The following KRT4 variants were observed in gnomAD, a reference collection of about 807,000 sequenced individuals.
KRT4 encodes the protein keratin 4.
A neutral mutation model predicts 50.6 loss-of-function variants in KRT4; 47 were observed. That is an observed-to-expected ratio of 0.93 (90% CI 0.73 to 1.18). The LOEUF is 1.18. KRT4 is among the 50% of genes most tolerant of loss of function. The probability of loss-of-function intolerance (pLI) is 0.00; values close to 1 mark genes in which losing one functional copy is unlikely to be tolerated. For missense variants in KRT4, 651 were observed against 645.7 expected (o/e 1.01, Z -0.09); for synonymous variants, 254 against 251.2 (o/e 1.01, Z -0.10).
chr12:52,807,297 C>A, intron 8 of KRT4, 47 bp from the exon 9 acceptor site: 1 of 1,614,158 alleles, frequency 6.2e-7, no homozygotes, highest in Non-Finnish European at 8.5e-7. Flanking sequence ...GCTGCCAGCA[C>A]CCCAGGGGTC....
chr12:52,810,774 G>A lies in KRT4; in HGVS notation c.720C>T (p.Asp240=), dbSNP rs371875636. 14 of 1,614,028 alleles carry A rather than the reference G, an allele frequency of 8.7e-6. No homozygotes were observed. In the African/African-American group the frequency reaches 1.6e-4, roughly 18 times the overall value. Residue 240 remains aspartate (D), a synonymous_variant, in exon 3 of 9, where the codon GAC becomes GAT. Transcript: ENST00000551956. ...CTCTTACCTTCTTTAGGACCACAAAGTCATTCTCGGCTGCTGTGCGTTTGT... is the reference window on the plus strand; with the variant it reads ...CTCTTACCTTCTTTAGGACCACAAAATCATTCTCGGCTGCTGTGCGTTTGT... ...EINKRTAAEN[D]FVVLKKDVDA...
chr12:52,813,147 C>A (rs1194876567), intron 1 of KRT4, among the ~76,000 whole-genome samples: 1 of 152,162 alleles, frequency 6.6e-6, no homozygotes, highest in Non-Finnish European at 1.5e-5. Flanking sequence ...TTGGTGAGAC[C>A]TAGAATCTGC....
chr12:52,813,144 G>T (rs1454452418), intron 1 of KRT4, among the ~76,000 whole-genome samples: 1 of 152,192 alleles, frequency 6.6e-6, no homozygotes, highest in Admixed American at 6.5e-5. Flanking sequence ...GCCTTGGTGA[G>T]ACCTAGAATC....
chr12:52,811,825 G>T lies in KRT4; in HGVS notation c.615C>A (p.Asp205Glu). 1 of 1,614,052 alleles carries T rather than the reference G, an allele frequency of 6.2e-7. No individual in the cohort carries two copies. Among genetic ancestry groups the T allele is most frequent in the Non-Finnish European group, 8.5e-7 (1 of 1,180,028 alleles). Residue 205 changes from aspartate to glutamate, a missense_variant, in exon 2 of 9, where the codon GAC becomes GAA. Asp to Glu is a conservative substitution (Grantham distance 45). Transcript: ENST00000551956. ...TCAGCTCAGACTGCAGGCGCCCTTT[G>T]TCATTGCCCAAGGTATCTAGCTGCT... ...LRKQLDTLGN[D>E]KGRLQSELKT... is the part of the protein sequence containing the mutation.
chr12:52,814,007 C>A lies in KRT4; in HGVS notation c.52G>T (p.Gly18Cys). The change falls in exon 1 of 9, where the codon GGC becomes TGC. Residue 18 changes from glycine (G) to cysteine (C), a missense_variant. Gly to Cys is a radical substitution (Grantham distance 159). Transcript: ENST00000551956. ...TTGCCACCGCCTACAATGGCCGAGC[C>A]ACAGCTGAAGCCCCGGGGCCCGCCT... Reference protein sequence around the residue: ...VRGGPRGFSCGSAIVGGGKRG... With the variant: ...VRGGPRGFSCCSAIVGGGKRG... The A allele has an allele frequency of 6.2e-7, 1 of 1,614,084 alleles. No homozygotes were observed. Among genetic ancestry groups the A allele is most frequent in the Non-Finnish European group, 8.5e-7 (1 of 1,179,994 alleles).
intron 6 of KRT4, 67 bp downstream of exon 6, chr12:52,808,227 T>C: frequency 6.3e-7 from 1 of 1,588,034 alleles, no homozygotes; most frequent in Non-Finnish European, 8.6e-7. Flanking sequence ...TATCTGCTTG[T>C]CCACTCTGGA....
intron 2 of KRT4, 150 bp downstream of exon 2, chr12:52,811,613 C>A (rs568374646): frequency 3.0e-6 from 2 of 674,522 alleles, no homozygotes; most frequent in Non-Finnish European, 2.6e-6. Flanking sequence ...CCTGAGAAAA[C>A]GTGACTATGT....
At position 52,806,849 on chromosome 12, in the gene KRT4, C is replaced by T. The variant is rs1233448479; in HGVS notation, c.*220G>A. On this transcript the variant is annotated 3_prime_UTR_variant, in exon 9 of 9. Coordinates refer to ENST00000551956, the MANE Select transcript of KRT4 (RefSeq NM_002272.4). Reference sequence around the variant, plus strand: ...GACATCCTTCCCATTCCAGGTGGGTCACCAGGCCCAAATCAAGAAGTAGCT... The same window carrying T: ...GACATCCTTCCCATTCCAGGTGGGTTACCAGGCCCAAATCAAGAAGTAGCT... 3 of 614,884 alleles carry T rather than the reference C, an allele frequency of 4.9e-6. No homozygotes were observed. Among genetic ancestry groups the T allele is most frequent in the Non-Finnish European group, 8.8e-6 (3 of 342,700 alleles). The allele number at this position is 614,884 out of a possible 1,614,324, so 38.1% of individuals were successfully genotyped here.
intron 4 of KRT4, 176 bp from the exon 5 acceptor site, chr12:52,809,026 T>C (rs1340199434): frequency 1.4e-6 from 1 of 727,560 alleles, no homozygotes; most frequent in Non-Finnish European, 2.4e-6. Context: ...ATGCTTCTAG[T>C]CTTTACTGGT....
chr12:52,809,534 G>A (rs537500015), intron 3 of KRT4, 56 bp from the exon 4 acceptor site: 36 of 1,251,648 alleles, frequency 2.9e-5, no homozygotes, highest in Admixed American at 2.2e-4. Flanking sequence ...GTAGGAGGAC[G>A]GGTTACTAAG....
In KRT4 at chr12:52,813,986, CACCGCCTACAATGGCCGAGCCACAG is replaced by C; in HGVS notation, c.48_72del (p.Ser16ArgfsTer40). ...ACTGAGCTGAAGGCACCTCTCTTGC[CACCGCCTACAATGGCCGAGCCACAG>C]CTGAAGCCCCGGGGCCCGCCTCGGA... On this transcript the variant is annotated frameshift_variant, in exon 1 of 9. Coordinates refer to ENST00000551956, the MANE Select transcript of KRT4 (RefSeq NM_002272.4). LOFTEE classifies it high-confidence loss of function. 6.2e-7 allele frequency: 1 copy of C among 1,614,062 alleles called. No homozygotes were observed. The highest frequency in any genetic ancestry group is 8.5e-7 in the Non-Finnish European group (1 of 1,180,020).
At chr12:52,811,658 A>G in intron 2 of KRT4, 105 bp downstream of exon 2, 1 of 906,520 alleles carries the variant, frequency 1.1e-6, no homozygotes, top group Non-Finnish European at 1.8e-6. Flanking sequence ...GCCTTCCTAG[A>G]CGCCTTCAGA....
In KRT4 at chr12:52,812,912, C is replaced by T. The variant is rs566693438; in HGVS notation, c.462+685G>A. On this transcript the variant is annotated intron_variant, in intron 1 of 8. Coordinates refer to ENST00000551956, the MANE Select transcript of KRT4 (RefSeq NM_002272.4). The stretch of plus-strand genomic sequence containing the variant: ...GACCAAAGGGAGGCACTCATCCACC[C>T]AGTCATCAATCTTTGGATGACTCGG... Among the ~76,000 whole-genome samples, 5 of 152,328 alleles carry T rather than the reference C, an allele frequency of 3.3e-5. No homozygotes were observed. In the East Asian group the frequency reaches 9.6e-4, roughly 29 times the overall value.
intron 2 of KRT4, 147 bp downstream of exon 2, chr12:52,811,616 G>C: frequency 1.5e-6 from 1 of 683,420 alleles, no homozygotes; most frequent in Non-Finnish European, 2.6e-6. Context: ...GAGAAAACGT[G>C]ACTATGTGGA....
intron 2 of KRT4, chr12:52,811,450 C>G: frequency 2.7e-6 from 1 of 367,112 alleles, no homozygotes; most frequent in Non-Finnish European, 5.1e-6. Flanking sequence ...ATGCAAACCA[C>G]CTCCATCTGT....
intron 4 of KRT4, chr12:52,809,177 C>T: frequency 1.5e-6 from 1 of 645,686 alleles, no homozygotes; most frequent in Non-Finnish European, 2.8e-6. Flanking sequence ...TCTAATCACC[C>T]CGTCTAAGAC....
chr12:52,808,006 CA>C, intron 6 of KRT4, 142 bp from the exon 7 acceptor site: 1 of 818,996 alleles, frequency 1.2e-6, no homozygotes, highest in East Asian at 2.6e-5. Flanking sequence ...GAGACTTATG[CA>C]TCTCATTCAC....
intron 2 of KRT4, chr12:52,811,421 TAGTA>T (rs1199516547): frequency 3.1e-6 from 1 of 321,992 alleles, no homozygotes; most frequent in Non-Finnish European, 5.9e-6. Flanking sequence ...GTCACACAGC[TAGTA>T]AGTGAGGACT....
intron 3 of KRT4, among the ~76,000 whole-genome samples, chr12:52,810,194 C>A (rs543782744): frequency 6.6e-6 from 1 of 152,318 alleles, no homozygotes; most frequent in East Asian, 1.9e-4. Flanking sequence ...AAAGCCCTGA[C>A]TTCACCACAA....
Sources: gnomAD v4.1 joint callset for allele counts (sites outside exome capture counted in the v4.1 genomes callset) on GRCh38, gnomAD v4.1.1 for gene constraint, MANE v1.5 for transcripts, NCBI Gene and HGNC (gene_info 2026-07-23, HGNC 2026-07-21) for gene names.